SLC26A8: variants seen among roughly 807,000 people sequenced by gnomAD.
SLC26A8 encodes testis anion transporter 1.
In SLC26A8, 70 loss-of-function variants were observed where a neutral mutation model predicts 105.0. The observed-to-expected ratio is 0.67, with a 90% CI of 0.55 to 0.81. SLC26A8 has a LOEUF of 0.81. SLC26A8 is among the 40% of genes least tolerant of loss of function. The pLI, the probability that SLC26A8 is intolerant of heterozygous loss-of-function variation, is 0.00. For missense variants in SLC26A8, 998 were observed against 1,181.8 expected (o/e 0.84, Z 2.28); for synonymous variants, 415 against 438.3 (o/e 0.95, Z 0.66).
intron 5 of SLC26A8, among the ~76,000 whole-genome samples, chr6:35,995,457 T>A (rs1442537050): frequency 6.6e-5 from 10 of 152,236 alleles, no homozygotes; most frequent in Admixed American, 3.9e-4. Context: ...TAACTTCATG[T>A]TCTTTTGGCA....
intron 2 of SLC26A8, among the ~76,000 whole-genome samples, chr6:36,015,407 A>G (rs1466449941): frequency 6.6e-6 from 1 of 152,148 alleles, no homozygotes; most frequent in Non-Finnish European, 1.5e-5. Flanking sequence ...CACTGTGCCC[A>G]GCCAGAATTG....
chr6:36,015,302 G>A (rs759639966), intron 2 of SLC26A8, among the ~76,000 whole-genome samples: 7 of 151,976 alleles, frequency 4.6e-5, no homozygotes, highest in African/African-American at 7.3e-5. Context: ...TAGTAGAGAC[G>A]GGGTTTCACC....
At chr6:35,957,387 TA>T (rs1422939262) in intron 16 of SLC26A8, among the ~76,000 whole-genome samples, 2 of 151,948 alleles carry the variant, frequency 1.3e-5, no homozygotes, top group African/African-American at 2.4e-5. Context: ...TTTAAAAATT[TA>T]AAGCTAAAAA....
chr6:35,955,378 G>A lies in SLC26A8; in HGVS notation c.2006C>T (p.Ser669Phe). The A allele has an allele frequency of 6.2e-7, 1 of 1,614,192 alleles. No individual in the cohort carries two copies. The highest frequency in any genetic ancestry group is 8.5e-7 in the Non-Finnish European group (1 of 1,180,030). ...ATACTGTTGCCCTTGATTTTTCTGA[G>A]ACACGGACGATACTGTGTATGGCAC... ...DQVPYTVSSV[S>F]QKNQGQQYEE... Residue 669 changes from serine (S) to phenylalanine (F), a missense_variant, in exon 17 of 20, where the codon TCT (serine) becomes TTT (phenylalanine). Ser to Phe is a radical substitution (Grantham distance 155). Transcript: ENST00000490799.
rs766033177 is a variant in SLC26A8 at position 35,944,238 on chromosome 6, C to T, written c.2575G>A (p.Glu859Lys). ...TCTGATTCCAGCTCCAAATCCAACTCCGACTCCTCTTCTACAGGCTGTTGG... is the reference window on the plus strand; with the variant it reads ...TCTGATTCCAGCTCCAAATCCAACTTCGACTCCTCTTCTACAGGCTGTTGG... The part of the protein sequence containing the change: ...KIQQPVEEES[E>K]LDLELESEQE... Residue 859 changes from glutamate to lysine, a missense_variant, in exon 20 of 20, where the codon GAG becomes AAG. Glu to Lys is a moderately conservative substitution (Grantham distance 56). Coordinates refer to ENST00000490799, the MANE Select transcript of SLC26A8 (RefSeq NM_052961.4). 3.7e-6 allele frequency: 6 copies of T among 1,614,130 alleles called. No individual in the cohort carries two copies. The Admixed American group carries it at 1.0e-4, about 27-fold the overall frequency.
At chr6:36,021,329 C>T (rs1175646575) in intron 1 of SLC26A8, among the ~76,000 whole-genome samples, 5 of 151,762 alleles carry the variant, frequency 3.3e-5, no homozygotes, top group African/African-American at 9.7e-5. Flanking sequence ...GGAATCCCCC[C>T]CCACCTTTCT....
intron 19 of SLC26A8, among the ~76,000 whole-genome samples, chr6:35,948,180 G>A (rs1449453774): frequency 6.6e-6 from 1 of 152,192 alleles, no homozygotes; most frequent in Admixed American, 6.5e-5. Flanking sequence ...AGATTCAAAA[G>A]TTGGTTTGGA....
Position 35,977,201 on chromosome 6 carries a change from C to T in SLC26A8, c.1173+3G>A. On this transcript the variant is annotated splice_donor_region_variant and intron_variant, in intron 9 of 19. Coordinates refer to ENST00000490799, the MANE Select transcript of SLC26A8 (RefSeq NM_052961.4). ...GGATCAGAGGAAGTAGTAGTCCTCT[C>T]ACCTGGTTGGAATTGACACTGTAAT... 6.2e-7 allele frequency: 1 copy of T among 1,613,064 alleles called. No homozygotes were observed. The highest frequency in any genetic ancestry group is 8.5e-7 in the Non-Finnish European group (1 of 1,179,602).
Position 35,961,087 on chromosome 6 carries a change from T to C in SLC26A8, c.1474A>G (p.Met492Val). 3 of 1,613,590 alleles carry C rather than the reference T, an allele frequency of 1.9e-6. No individual in the cohort carries two copies. The highest frequency in any genetic ancestry group is 2.7e-5 in the African/African-American group (2 of 75,022). ...AGGAAAATTGAAGATGAGAATGTCA[T>C]CATCCAAAGAGCCTTATGGAAAAGG... ...QDQYDCALWM[M>V]TFSSSIFLGL... The change falls in exon 13 of 20, where the codon ATG becomes GTG. Residue 492 changes from methionine (M) to valine (V), a missense_variant. Physicochemically the swap from Met to Val is conservative, Grantham distance 21. Coordinates refer to ENST00000490799, the MANE Select transcript of SLC26A8 (RefSeq NM_052961.4).
At chr6:35,949,549 A>C (rs1771789148) in intron 19 of SLC26A8, among the ~76,000 whole-genome samples, 2 of 152,104 alleles carry the variant, frequency 1.3e-5, no homozygotes. Flanking sequence ...AATGTGTCTT[A>C]TTTACCTTCT....
intron 2 of SLC26A8, among the ~76,000 whole-genome samples, chr6:36,017,461 AC>A (rs944110150): frequency 3.9e-5 from 6 of 151,932 alleles, no homozygotes; most frequent in Admixed American, 3.3e-4. Context: ...GTGAAACCCC[AC>A]CTCTATTAAA....
intron 7 of SLC26A8, among the ~76,000 whole-genome samples, chr6:35,989,084 C>T (rs565988507): frequency 6.6e-6 from 1 of 152,234 alleles, no homozygotes; most frequent in Admixed American, 6.5e-5. Context: ...TCGTGATCCA[C>T]CCACCTCGGC....
intron 7 of SLC26A8, among the ~76,000 whole-genome samples, chr6:35,986,937 G>A (rs1773546302): frequency 6.6e-6 from 1 of 152,004 alleles, no homozygotes; most frequent in African/African-American, 2.4e-5. Context: ...ACATGAGAGT[G>A]CAGGTATCTA....
chr6:35,946,171 T>G (rs1222946367), intron 19 of SLC26A8, among the ~76,000 whole-genome samples: 1 of 152,230 alleles, frequency 6.6e-6, no homozygotes, highest in Non-Finnish European at 1.5e-5. Flanking sequence ...ATCTGCAGGT[T>G]CATAAATTCA....
At chr6:36,015,716 C>G (rs1761976932) in intron 2 of SLC26A8, among the ~76,000 whole-genome samples, 1 of 152,106 alleles carries the variant, frequency 6.6e-6, no homozygotes, top group East Asian at 1.9e-4. Context: ...CCCGATCCAT[C>G]ATGGAGCAGA....
chr6:35,968,646 T>C (rs1772648169), intron 11 of SLC26A8, among the ~76,000 whole-genome samples: 1 of 111,082 alleles, frequency 9.0e-6, no homozygotes, highest in Non-Finnish European at 1.7e-5. Context: ...TATATATATA[T>C]ATATATATCT....
At chr6:35,960,731 G>T in intron 14 of SLC26A8, 112 bp downstream of exon 14, 1 of 962,448 alleles carries the variant, frequency 1.0e-6, no homozygotes, top group Non-Finnish European at 1.6e-6. Flanking sequence ...CTTTGTAAAT[G>T]TGTATCTGCA....
chr6:35,979,240 G>A (rs902547479), intron 8 of SLC26A8, among the ~76,000 whole-genome samples: 5 of 151,882 alleles, frequency 3.3e-5, no homozygotes, highest in African/African-American at 4.8e-5. Context: ...CACTTTGGGA[G>A]GCCGAGGTGG....
At chr6:36,023,985 G>A (rs967059583) in intron 1 of SLC26A8, among the ~76,000 whole-genome samples, 5 of 151,748 alleles carry the variant, frequency 3.3e-5, no homozygotes, top group Non-Finnish European at 5.9e-5. Context: ...GTGTTGGAGA[G>A]ATGCTCATTA....
Sources: gnomAD v4.1 joint callset for allele counts (sites outside exome capture counted in the v4.1 genomes callset) on GRCh38, gnomAD v4.1.1 for gene constraint, MANE v1.5 for transcripts, NCBI Gene and HGNC (gene_info 2026-07-23, HGNC 2026-07-21) for gene names.